CHRM3: variants seen among roughly 807,000 people sequenced by gnomAD.
CHRM3 encodes cholinergic receptor muscarinic 3, also known as muscarinic acetylcholine receptor M3.
In CHRM3, 11 loss-of-function variants were observed where a neutral mutation model predicts 41.8. The ratio of observed to expected loss-of-function variants is 0.26; its 90% CI spans 0.17 to 0.44. The LOEUF (loss-of-function observed/expected upper bound fraction) is 0.44. Ranked by LOEUF, CHRM3 falls within the 20% of genes least tolerant of loss-of-function variation. CHRM3 has a pLI of 1.00. For missense variants in CHRM3, 571 were observed against 745.4 expected, an observed-to-expected ratio of 0.77 and a Z score of 2.72; for synonymous variants, 297 against 301.4, an observed-to-expected ratio of 0.99 and a Z score of 0.15.
At chr1:239,477,676 C>T (rs1421637630) in intron 1 of CHRM3, among the ~76,000 whole-genome samples, 3 of 152,184 alleles carry the variant, frequency 2.0e-5, no homozygotes, top group Admixed American at 6.5e-5. Flanking sequence ...TGGGCCTTCA[C>T]TGATGGTACA....
chr1:239,389,686 G>A (rs1288700150), intron 1 of CHRM3, among the ~76,000 whole-genome samples: 1 of 152,180 alleles, frequency 6.6e-6, no homozygotes, highest in African/African-American at 2.4e-5. Flanking sequence ...AAGCAAAGTT[G>A]CCTTATGTAT....
In CHRM3 at chr1:239,702,565, T is replaced by G. The variant is rs941036427; in HGVS notation, c.-147+24277T>G. ...GAAAGTTTCTGTCTGGCATATTAAC[T>G]TAATGTCTACCATTTACAAAAAGAA... On this transcript the variant is annotated intron_variant, in intron 5 of 6. Transcript: ENST00000676153. Among the ~76,000 whole-genome samples the G allele has an allele frequency of 6.6e-5, 10 of 152,378 alleles. No individual in the cohort carries two copies. The East Asian group carries it at 1.9e-3, about 29-fold the overall frequency.
chr1:239,416,670 G>A (rs1661525545), intron 1 of CHRM3, among the ~76,000 whole-genome samples: 1 of 152,080 alleles, frequency 6.6e-6, no homozygotes, highest in Non-Finnish European at 1.5e-5. Context: ...GTTTAACAAG[G>A]AATATGCTCC....
At chr1:239,679,393 C>T (rs908707220) in intron 5 of CHRM3, among the ~76,000 whole-genome samples, 1 of 152,086 alleles carries the variant, frequency 6.6e-6, no homozygotes, top group East Asian at 1.9e-4. Flanking sequence ...AGCTCAAGAC[C>T]TAACTCTACT....
chr1:239,807,794 T>G (rs942490788), intron 5 of CHRM3, among the ~76,000 whole-genome samples: 7 of 150,792 alleles, frequency 4.6e-5, no homozygotes, highest in African/African-American at 1.7e-4. Flanking sequence ...TGAGAGTACA[T>G]GTAATTGAGT....
intron 5 of CHRM3, among the ~76,000 whole-genome samples, chr1:239,708,747 T>TTTC (rs1661456588): frequency 7.1e-6 from 1 of 140,196 alleles, no homozygotes; most frequent in Non-Finnish European, 1.5e-5. Flanking sequence ...TTTTTTTTTT[T>TTTC]TTTTTTTTTT....
chr1:239,867,834 C>T (rs184215302), intron 6 of CHRM3, among the ~76,000 whole-genome samples: 2 of 152,298 alleles, frequency 1.3e-5, no homozygotes, highest in East Asian at 3.9e-4. Flanking sequence ...GTTTACCTTC[C>T]ATCTCCCCTC....
chr1:239,891,418 A>T (rs138497238), intron 6 of CHRM3, among the ~76,000 whole-genome samples: 2 of 152,140 alleles, frequency 1.3e-5, no homozygotes, highest in South Asian at 2.1e-4. Flanking sequence ...GACGAGGTTC[A>T]TGAGTTTGGA....
intron 5 of CHRM3, among the ~76,000 whole-genome samples, chr1:239,729,211 T>G (rs754875073): frequency 1.9e-4 from 29 of 152,040 alleles, no homozygotes; most frequent in Non-Finnish European, 3.5e-4. Context: ...GATGGAGCAG[T>G]AAAAAATAAT....
At chr1:239,864,229 G>C (rs114289995) in intron 6 of CHRM3, among the ~76,000 whole-genome samples, 12 of 152,108 alleles carry the variant, frequency 7.9e-5, no homozygotes, top group African/African-American at 2.9e-4. Flanking sequence ...TGTATAGGCC[G>C]GGCATGGTGG....
rs1346364122 is a variant in CHRM3, at chr1:239,748,244, T to G, written c.-147+69956T>G. Among the ~76,000 whole-genome samples the G allele has an allele frequency of 6.6e-6, 1 of 152,252 alleles. No individual in the cohort carries two copies. The highest frequency in any genetic ancestry group is 6.5e-5 in the Admixed American group (1 of 15,284). On this transcript the variant is annotated intron_variant, in intron 5 of 6. Transcript: ENST00000676153. This position sits in a 1 kb window ranked among gnomAD's most constrained non-coding sequence, Gnocchi z 4.3. ...TGAAGATGTATTGTATATCGTTAAATAACTGCTTTTTATCATTAATTCTCA... is the reference window on the plus strand; with the variant it reads ...TGAAGATGTATTGTATATCGTTAAAGAACTGCTTTTTATCATTAATTCTCA...
intron 5 of CHRM3, among the ~76,000 whole-genome samples, chr1:239,709,602 C>T (rs1661558655): frequency 6.6e-6 from 1 of 152,254 alleles, no homozygotes; most frequent in South Asian, 2.1e-4. Flanking sequence ...GAATGAATTC[C>T]TTTGTATAGA....
chr1:239,597,187 C>T (rs766857017), intron 3 of CHRM3, among the ~76,000 whole-genome samples: 14 of 152,184 alleles, frequency 9.2e-5, no homozygotes, highest in Middle Eastern at 3.4e-3. Context: ...TTATCATCAG[C>T]GGCATTCATT....
intron 4 of CHRM3, among the ~76,000 whole-genome samples, chr1:239,658,000 A>G (rs1672865873): frequency 6.6e-6 from 1 of 151,928 alleles, no homozygotes; most frequent in Non-Finnish European, 1.5e-5. Context: ...CTTTTGGGGG[A>G]CTATTTTTAA....
intron 5 of CHRM3, among the ~76,000 whole-genome samples, chr1:239,813,191 T>C (rs973901569): frequency 3.3e-5 from 5 of 152,074 alleles, no homozygotes; most frequent in Non-Finnish European, 7.4e-5. Context: ...GGCAGGAGAA[T>C]CGCTTGAACC....
chr1:239,492,306 C>G (rs538794799), intron 1 of CHRM3, among the ~76,000 whole-genome samples: 1 of 152,302 alleles, frequency 6.6e-6, no homozygotes, highest in African/African-American at 2.4e-5. Flanking sequence ...GTTATGACCC[C>G]TTTCTTCCCA....
intron 1 of CHRM3, among the ~76,000 whole-genome samples, chr1:239,394,311 G>A (rs2102934803): frequency 6.6e-6 from 1 of 152,278 alleles, no homozygotes; most frequent in South Asian, 2.1e-4. Flanking sequence ...TGCATTCCTT[G>A]ACTTGTGAGC....
At position 239,875,176 on chromosome 1, in the gene CHRM3, C is replaced by T. The variant is rs74641190; in HGVS notation, c.-19-32257C>T. On this transcript the variant is annotated intron_variant, in intron 6 of 6. Transcript: ENST00000676153. The stretch of plus-strand genomic sequence containing the variant: ...TGTGTTGCCTGTTACAGAAACAGCA[C>T]TAATACAACAGACATGAATTCTGTC... 2.5e-3 allele frequency among the ~76,000 whole-genome samples: 385 copies of T among 152,264 alleles called. 20 individuals are homozygous for T. In the East Asian group the frequency reaches 0.069, roughly 27 times the overall value.
intron 5 of CHRM3, among the ~76,000 whole-genome samples, chr1:239,819,911 C>T (rs1239296991): frequency 6.6e-6 from 1 of 152,124 alleles, no homozygotes; most frequent in Non-Finnish European, 1.5e-5. Context: ...CCCACTCATT[C>T]CCTGACCATG....
Sources: gnomAD v4.1 joint callset for allele counts (sites outside exome capture counted in the v4.1 genomes callset) on GRCh38, gnomAD v4.1.1 for gene constraint, Gnocchi (gnomAD v3.1) non-coding constraint, MANE v1.5 for transcripts, NCBI Gene and HGNC (gene_info 2026-07-23, HGNC 2026-07-21) for gene names.